The following ALCAM variants were observed in gnomAD, a reference collection of about 807,000 sequenced individuals.
ALCAM encodes CD166 antigen.
ALCAM carries 30 observed loss-of-function variants against 70.9 expected under a neutral mutation model. The ratio of observed to expected loss-of-function variants is 0.42; its 90% confidence interval spans 0.32 to 0.57. ALCAM has a LOEUF of 0.57. Ranked by LOEUF, ALCAM falls within the 20% of genes least tolerant of loss-of-function variation. The pLI, the probability that ALCAM is intolerant of heterozygous loss-of-function variation, is 0.11. For missense variants in ALCAM, 591 were observed against 695.1 expected, an observed-to-expected ratio of 0.85 and a Z score of 1.68; for synonymous variants, 249 against 242.5, an observed-to-expected ratio of 1.03 and a Z score of -0.25.
At chr3:105,497,121 C>T (rs1318596628) in intron 1 of ALCAM, among the ~76,000 whole-genome samples, 3 of 151,988 alleles carry the variant, frequency 2.0e-5, no homozygotes, top group Non-Finnish European at 4.4e-5. Context: ...CTCACCTAAA[C>T]CCCCAAAACC....
intron 14 of ALCAM, among the ~76,000 whole-genome samples, chr3:105,558,908 G>A (rs1455015471): frequency 2.0e-5 from 3 of 151,958 alleles, no homozygotes; most frequent in Non-Finnish European, 4.4e-5. Flanking sequence ...CTTAAGAGGA[G>A]GGGTTGTCTA....
At chr3:105,415,422 A>C (rs186929771) in intron 1 of ALCAM, among the ~76,000 whole-genome samples, 1 of 152,272 alleles carries the variant, frequency 6.6e-6, no homozygotes, top group African/African-American at 2.4e-5. Flanking sequence ...TCAACAAATA[A>C]TAAATCCCCA....
At chr3:105,561,852 A>T (rs982217112) in intron 14 of ALCAM, among the ~76,000 whole-genome samples, 5 of 152,188 alleles carry the variant, frequency 3.3e-5, no homozygotes, top group Non-Finnish European at 7.4e-5. Flanking sequence ...CGAAGTTTCC[A>T]TTGTCCTCAG....
In ALCAM at chr3:105,418,255, G is replaced by A. The variant is rs754587353; in HGVS notation, c.73+50774G>A. On this transcript the variant is annotated intron_variant, in intron 1 of 15. Transcript: ENST00000306107. ...AGGCATTGAAGAGGTAACTCTTTTG[G>A]TTTTAGGAATATTAAAATGCAATCT... is the stretch of plus-strand genomic sequence containing the variant. Among the ~76,000 whole-genome samples the A allele has an allele frequency of 9.9e-4, 150 of 151,776 alleles. 1 individual carries two copies. Among genetic ancestry groups the A allele is most frequent in the Non-Finnish European group, 2.0e-3 (134 of 67,836 alleles).
chr3:105,573,738 T>C (rs1229340943), intron 15 of ALCAM, among the ~76,000 whole-genome samples: 2 of 152,174 alleles, frequency 1.3e-5, no homozygotes, highest in African/African-American at 4.8e-5. Flanking sequence ...AGCTTACCGA[T>C]ATGATATGAC....
At chr3:105,406,875 T>C (rs892053910) in intron 1 of ALCAM, among the ~76,000 whole-genome samples, 1 of 152,060 alleles carries the variant, frequency 6.6e-6, no homozygotes, top group African/African-American at 2.4e-5. Flanking sequence ...CGGGAGATAT[T>C]GCAACTGACA....
chr3:105,569,498 AG>A (rs1940818522), intron 14 of ALCAM, among the ~76,000 whole-genome samples: 1 of 152,144 alleles, frequency 6.6e-6, no homozygotes, highest in Non-Finnish European at 1.5e-5. Context: ...GAATCACTCA[AG>A]TTCTGTCATT....
At chr3:105,498,573 C>G (rs1028440890) in intron 1 of ALCAM, among the ~76,000 whole-genome samples, 5 of 151,970 alleles carry the variant, frequency 3.3e-5, no homozygotes, top group African/African-American at 1.2e-4. Flanking sequence ...GCCTTGATAT[C>G]ATGTAGGCAT....
At chr3:105,430,649 G>C (rs569670647) in intron 1 of ALCAM, among the ~76,000 whole-genome samples, 1 of 151,924 alleles carries the variant, frequency 6.6e-6, no homozygotes, top group East Asian at 1.9e-4. Flanking sequence ...ATGAAGTTAC[G>C]CTTCTTCCCT....
chr3:105,558,159 C>T lies in ALCAM; in HGVS notation c.1664+5574C>T, dbSNP rs536436775. Among the ~76,000 whole-genome samples, 19 of 152,196 alleles carry T rather than the reference C, an allele frequency of 1.2e-4. No individual in the cohort carries two copies. In the East Asian group the frequency reaches 3.7e-3, roughly 29 times the overall value. On this transcript the variant is annotated intron_variant, in intron 14 of 15. Coordinates refer to ENST00000306107, the MANE Select transcript of ALCAM (RefSeq NM_001627.4). Reference sequence around the variant, plus strand: ...CGGTTTGCTGGAAGTGGTAACTCTACACTGCCAAGATGCCAGTCCTAAATA... The same window carrying T: ...CGGTTTGCTGGAAGTGGTAACTCTATACTGCCAAGATGCCAGTCCTAAATA...
chr3:105,367,328 C>A lies in ALCAM; in HGVS notation c.-81C>A. The A allele has an allele frequency of 6.8e-7, 1 of 1,466,804 alleles. No homozygotes were observed. Among genetic ancestry groups the A allele is most frequent in the Non-Finnish European group, 9.4e-7 (1 of 1,060,150 alleles). 90.9% of individuals were successfully genotyped at this position (1,466,804 alleles called of 1,614,324 possible). A position where few individuals can be genotyped will look rare whatever the true frequency, so the allele number is the denominator to read the frequency against. The stretch of plus-strand genomic sequence containing the variant: ...GCCCCTGCGTCGGGACCCGCCAGCG[C>A]GCGGGCACCGCGGGGCCCGGGACGA... On this transcript the variant is annotated 5_prime_UTR_variant, in exon 1 of 16. Transcript: ENST00000306107.
chr3:105,551,273 G>C (rs2152631798), intron 12 of ALCAM, among the ~76,000 whole-genome samples: 1 of 151,776 alleles, frequency 6.6e-6, no homozygotes. Context: ...AGTGAGTATT[G>C]ATTTGTCCCA....
chr3:105,476,796 T>G (rs1938125870), intron 1 of ALCAM, among the ~76,000 whole-genome samples: 1 of 152,034 alleles, frequency 6.6e-6, no homozygotes, highest in Non-Finnish European at 1.5e-5. Context: ...AAGTACCATG[T>G]CTAAAATGTT....
At chr3:105,424,142 A>G (rs1936734624) in intron 1 of ALCAM, among the ~76,000 whole-genome samples, 3 of 151,522 alleles carry the variant, frequency 2.0e-5, no homozygotes, top group Non-Finnish European at 4.4e-5. Flanking sequence ...TGTCTGAGAA[A>G]TTGTATCTAC....
At chr3:105,460,738 G>A (rs1022663044) in intron 1 of ALCAM, among the ~76,000 whole-genome samples, 2 of 151,770 alleles carry the variant, frequency 1.3e-5, no homozygotes, top group Non-Finnish European at 2.9e-5. Context: ...AAATATTTGG[G>A]TACAGAGATG....
At chr3:105,566,623 C>T (rs916927828) in intron 14 of ALCAM, among the ~76,000 whole-genome samples, 4 of 151,996 alleles carry the variant, frequency 2.6e-5, no homozygotes, top group African/African-American at 9.7e-5. Flanking sequence ...ACTGTGGTTG[C>T]TATAAGGATT....
Position 105,545,343 on chromosome 3 carries a change from A to G in ALCAM, c.1104+8A>G. 1 of 1,590,790 alleles carries G rather than the reference A, an allele frequency of 6.3e-7. No homozygotes were observed. The highest frequency in any genetic ancestry group is 1.3e-5 in the African/African-American group (1 of 74,246). On this transcript the variant is annotated splice_region_variant and intron_variant, in intron 9 of 15. Transcript: ENST00000306107. ...ACTGTGGTATGGATGAAAGTAAGTA[A>G]TATTTTTGGTACTACCCTGCTGTTT...
chr3:105,477,885 T>A lies in ALCAM; in HGVS notation c.74-42182T>A, dbSNP rs936400961. Among the ~76,000 whole-genome samples, 2 of 152,314 alleles carry A rather than the reference T, an allele frequency of 1.3e-5. 1 individual carries two copies. Among genetic ancestry groups the A allele is most frequent in the African/African-American group, 4.8e-5 (2 of 41,592 alleles). ...TATACAGTATTAGATATTTTAAATTTTACTCATAGACTTCCATTTGTTTCC... is the reference window on the plus strand; with the variant it reads ...TATACAGTATTAGATATTTTAAATTATACTCATAGACTTCCATTTGTTTCC... On this transcript the variant is annotated intron_variant, in intron 1 of 15. Transcript: ENST00000306107.
intron 1 of ALCAM, among the ~76,000 whole-genome samples, chr3:105,427,016 G>A (rs1269767421): frequency 3.3e-5 from 5 of 151,840 alleles, no homozygotes; most frequent in Non-Finnish European, 5.9e-5. Flanking sequence ...GGACTGTTCT[G>A]TCCTAGGAGA....
Sources: allele counts gnomAD v4.1 joint callset (sites outside exome capture counted in the v4.1 genomes callset), GRCh38; gene constraint gnomAD v4.1.1; transcripts MANE v1.5; gene names NCBI Gene and HGNC (gene_info 2026-07-23, HGNC 2026-07-21).